Variants in ISCA2 observed in about 807,000 individuals in gnomAD.
The protein encoded by ISCA2 is iron-sulfur cluster assembly 2 homolog, mitochondrial.
Under a neutral mutation model 19.1 loss-of-function variants are expected in ISCA2, and 21 were observed. That is an observed-to-expected ratio of 1.10 (90% CI 0.78 to 1.59). The LOEUF (loss-of-function observed/expected upper bound fraction) is 1.59, where lower values mean the gene tolerates loss of function less well. Ranked by LOEUF, ISCA2 falls within the 40% of genes most tolerant of loss-of-function variation. The pLI, the probability that ISCA2 is intolerant of heterozygous loss-of-function variation, is 0.00. For synonymous variants in ISCA2, 107 were observed against 83.8 expected (o/e 1.28, Z -1.51); for missense variants, 181 against 191.7 (o/e 0.94, Z 0.33).
Position 74,494,388 on chromosome 14 carries a change from C to T in ISCA2, c.288C>T (p.Asp96=), listed in dbSNP as rs762305398. The T allele has an allele frequency of 6.2e-7, 1 of 1,611,574 alleles. No individual in the cohort carries two copies. Among genetic ancestry groups the T allele is most frequent in the African/African-American group, 1.3e-5 (1 of 75,002 alleles). ...FSLDTVINPD[D]RVFEQGGARV... is the part of the protein sequence containing the mutation. ...TGGATACAGTTATCAACCCCGACGA[C>T]AGGCAAGGAGGAAGGGGTGGGCCCC... is the stretch of plus-strand genomic sequence containing the variant. The change falls in exon 3 of 4, where the codon GAC becomes GAT. Residue 96 remains aspartate, a splice_region_variant and synonymous_variant. Transcript: ENST00000556816.
Position 74,494,860 on chromosome 14 carries a change from G to A in ISCA2, c.325G>A (p.Asp109Asn). 6.2e-7 allele frequency: 1 copy of A among 1,614,160 alleles called. No homozygotes were observed. The highest frequency in any genetic ancestry group is 8.5e-7 in the Non-Finnish European group (1 of 1,180,030). Residue 109 changes from aspartate to asparagine, a missense_variant, in exon 4 of 4, where the codon GAC (aspartate) becomes AAC (asparagine). Coordinates refer to ENST00000556816, the MANE Select transcript of ISCA2 (RefSeq NM_194279.4). ...FEQGGARVVV[D>N]SDSLAFVKGA... ...ACAGGGTGGGGCAAGAGTGGTGGTT[G>A]ACTCTGATAGCTTGGCCTTCGTGAA...
Position 74,495,188 on chromosome 14 carries a change from C to G in ISCA2, c.*188C>G. Reference sequence around the variant, plus strand: ...ATTTTACTCTTGGCTTAATTTTTCCCTCCACTCAGTGCTAAGGCTGAGCCT... The same window carrying G: ...ATTTTACTCTTGGCTTAATTTTTCCGTCCACTCAGTGCTAAGGCTGAGCCT... On this transcript the variant is annotated 3_prime_UTR_variant, in exon 4 of 4. Coordinates refer to ENST00000556816, the MANE Select transcript of ISCA2 (RefSeq NM_194279.4). 1 of 576,704 alleles carries G rather than the reference C, an allele frequency of 1.7e-6. No individual in the cohort carries two copies. Among genetic ancestry groups the G allele is most frequent in the South Asian group, 2.2e-5 (1 of 45,002 alleles). The allele number at this position is 576,704 out of a possible 1,614,324, so 35.7% of individuals were successfully genotyped here.
In ISCA2 at chr14:74,493,913, A is replaced by G; in HGVS notation, c.71+68A>G. The G allele has an allele frequency of 6.7e-7, 1 of 1,494,202 alleles. No individual in the cohort carries two copies. The highest frequency in any genetic ancestry group is 2.5e-5 in the East Asian group (1 of 40,712). The allele number at this position is 1,494,202 out of a possible 1,614,324, so 92.6% of individuals were successfully genotyped here. A position where few individuals can be genotyped will look rare whatever the true frequency, so the allele number is the denominator to read the frequency against. On this transcript the variant is annotated intron_variant, in intron 1 of 3. Transcript: ENST00000556816. The surrounding 1 kb of genome is among the most constrained non-coding windows in gnomAD (Gnocchi z 4.1). ...GCGCCTCTAGGACAAATGGGAAACT[A>G]AGGCCTGTGGGGGATGCGAGGGTTT... is the stretch of plus-strand genomic sequence containing the variant.
chr14:74,494,226 C>G, intron 2 of ISCA2, 49 bp from the exon 3 acceptor site: 1 of 1,596,276 alleles, frequency 6.3e-7, no homozygotes, highest in Non-Finnish European at 8.6e-7. Flanking sequence ...TCACTCAGCC[C>G]TTTAACTCCC....
chr14:74,494,861 A>G lies in ISCA2; in HGVS notation c.326A>G (p.Asp109Gly). The change falls in exon 4 of 4, where the codon GAC becomes GGC. Residue 109 changes from aspartate (D) to glycine (G), a missense_variant. Asp to Gly is a moderately conservative substitution (Grantham distance 94). Transcript: ENST00000556816. Reference protein sequence around the residue: ...FEQGGARVVVDSDSLAFVKGA... With the variant: ...FEQGGARVVVGSDSLAFVKGA... Reference sequence around the variant, plus strand: ...CAGGGTGGGGCAAGAGTGGTGGTTGACTCTGATAGCTTGGCCTTCGTGAAA... The same window carrying G: ...CAGGGTGGGGCAAGAGTGGTGGTTGGCTCTGATAGCTTGGCCTTCGTGAAA... 8.1e-6 allele frequency: 13 copies of G among 1,613,998 alleles called. No homozygotes were observed. Among genetic ancestry groups the G allele is most frequent in the Non-Finnish European group, 1.1e-5 (13 of 1,179,974 alleles).
chr14:74,494,796 C>T, intron 3 of ISCA2, 30 bp from the exon 4 acceptor site: 2 of 1,600,998 alleles, frequency 1.2e-6, no homozygotes, highest in East Asian at 2.2e-5. Context: ...GTTTGCGATA[C>T]TCCTTAATGC....
Position 74,494,392 on chromosome 14 carries a change from C to G in ISCA2, c.290+2C>G, listed in dbSNP as rs765916133. 1 of 1,608,248 alleles carries G rather than the reference C, an allele frequency of 6.2e-7. No individual in the cohort carries two copies. Among genetic ancestry groups the G allele is most frequent in the South Asian group, 1.1e-5 (1 of 90,982 alleles). ...TACAGTTATCAACCCCGACGACAGG[C>G]AAGGAGGAAGGGGTGGGCCCCCAAA... On this transcript the variant is annotated splice_donor_variant, in intron 3 of 3. Coordinates refer to ENST00000556816, the MANE Select transcript of ISCA2 (RefSeq NM_194279.4). LOFTEE classifies it high-confidence loss of function.
Position 74,494,066 on chromosome 14 carries a change from C to T in ISCA2, c.88C>T (p.Leu30=), listed in dbSNP as rs955792633. 3.2e-6 allele frequency: 5 copies of T among 1,546,766 alleles called. No individual in the cohort carries two copies. Among genetic ancestry groups the T allele is most frequent in the Non-Finnish European group, 3.5e-6 (4 of 1,149,362 alleles). The change falls in exon 2 of 4, where the codon CTG becomes TTG. Residue 30 remains leucine, a synonymous_variant. Coordinates refer to ENST00000556816, the MANE Select transcript of ISCA2 (RefSeq NM_194279.4). ...TGCGCGCAGGCTCCTCACGGCCTCCCTGGGACCCCAGGCGCGTCGGGAGGC... is the reference window on the plus strand; with the variant it reads ...TGCGCGCAGGCTCCTCACGGCCTCCTTGGGACCCCAGGCGCGTCGGGAGGC... ...WPRGRLLTAS[L]GPQARREASS... is the part of the protein sequence containing the mutation.
In ISCA2 at chr14:74,494,293, G is replaced by A. The variant is rs1242716128; in HGVS notation, c.193G>A (p.Glu65Lys). The A allele has an allele frequency of 6.2e-6, 10 of 1,613,930 alleles. No homozygotes were observed. The highest frequency in any genetic ancestry group is 7.6e-6 in the Non-Finnish European group (9 of 1,179,900). ...ATTTCAGAGGCTTTTGGAAATCACC[G>A]AAGGGTCAGAATTCCTCAGGCTGCA... ...SCVQRLLEITEGSEFLRLQVE... is the reference protein window; with the variant it reads ...SCVQRLLEITKGSEFLRLQVE... Residue 65 changes from glutamate to lysine, a missense_variant, in exon 3 of 4, where the codon GAA (glutamate) becomes AAA (lysine). Transcript: ENST00000556816.
chr14:74,495,891 G>A lies in ISCA2; in HGVS notation c.*891G>A, dbSNP rs1394102987. The A allele has an allele frequency of 5.3e-5, 8 of 152,186 alleles. No homozygotes were observed. The highest frequency in any genetic ancestry group is 3.4e-3 in the Middle Eastern group (1 of 294). 9.4% of individuals were successfully genotyped at this position (152,186 alleles called of 1,614,324 possible). A position where few individuals can be genotyped will look rare whatever the true frequency, so the allele number is the denominator to read the frequency against. On this transcript the variant is annotated 3_prime_UTR_variant, in exon 4 of 4. Coordinates refer to ENST00000556816, the MANE Select transcript of ISCA2 (RefSeq NM_194279.4). ...TGAATTTCAGGTAAATAATTTTTTA[G>A]TATGCATATGTCTCAAATATTGCAT...
rs1341733474 is a variant in ISCA2, at chr14:74,495,162, GA to G, written c.*163del. The G allele has an allele frequency of 1.5e-5, 9 of 609,700 alleles. No homozygotes were observed. Among genetic ancestry groups the G allele is most frequent in the Middle Eastern group, 4.3e-4 (1 of 2,302 alleles). The allele number at this position is 609,700 out of a possible 1,614,324, so 37.8% of individuals were successfully genotyped here. On this transcript the variant is annotated 3_prime_UTR_variant, in exon 4 of 4. Coordinates refer to ENST00000556816, the MANE Select transcript of ISCA2 (RefSeq NM_194279.4). ...GCCACTATTATTTTCAGAATGTGAAGATTTTACTCTTGGCTTAATTTTTCCC... is the reference window on the plus strand; with the variant it reads ...GCCACTATTATTTTCAGAATGTGAAGTTTTACTCTTGGCTTAATTTTTCCC...
chr14:74,494,610 AAGTC>A (rs2086825037), intron 3 of ISCA2: 2 of 617,980 alleles, frequency 3.2e-6, no homozygotes, highest in Non-Finnish European at 5.7e-6. Flanking sequence ...AGTCGGTAGA[AAGTC>A]AGGCCGGACT....
In ISCA2 at chr14:74,493,955, G is replaced by A. The variant is rs2086813081; in HGVS notation, c.72-95G>A. On this transcript the variant is annotated intron_variant, in intron 1 of 3. Transcript: ENST00000556816. This position sits in a 1 kb window ranked among gnomAD's most constrained non-coding sequence, Gnocchi z 4.1. ...CGAGGGTTTGGTGGGAGGCCGTCCAGGTGGGGGTCGCCAGGTTTAGCGTGA... is the reference window on the plus strand; with the variant it reads ...CGAGGGTTTGGTGGGAGGCCGTCCAAGTGGGGGTCGCCAGGTTTAGCGTGA... 6.8e-7 allele frequency: 1 copy of A among 1,467,112 alleles called. No individual in the cohort carries two copies. The highest frequency in any genetic ancestry group is 1.4e-5 in the African/African-American group (1 of 71,080). The allele number at this position is 1,467,112 out of a possible 1,614,324, so 90.9% of individuals were successfully genotyped here.
At position 74,496,199 on chromosome 14, in the gene ISCA2, G is replaced by A. The variant is rs2086844737; in HGVS notation, c.*1199G>A. The A allele has an allele frequency of 6.6e-6, 1 of 152,144 alleles. No individual in the cohort carries two copies. The highest frequency in any genetic ancestry group is 2.4e-5 in the African/African-American group (1 of 41,442). The allele number at this position is 152,144 out of a possible 1,614,324, so 9.4% of individuals were successfully genotyped here. A position where few individuals can be genotyped will look rare whatever the true frequency, so the allele number is the denominator to read the frequency against. On this transcript the variant is annotated 3_prime_UTR_variant, in exon 4 of 4. Coordinates refer to ENST00000556816, the MANE Select transcript of ISCA2 (RefSeq NM_194279.4). ...GAGAAACTACAACCAAGTTGATTCTGGAAGAGTTACTGGTTAAATCCATCT... is the reference window on the plus strand; with the variant it reads ...GAGAAACTACAACCAAGTTGATTCTAGAAGAGTTACTGGTTAAATCCATCT...
Position 74,494,920 on chromosome 14 carries a change from C to T in ISCA2, c.385C>T (p.Arg129Ter), listed in dbSNP as rs1362959396. ...AQVDFSQELIRSSFQVLNNPQ... is the reference protein window; with the variant it reads ...AQVDFSQELI ...GGTGGACTTCAGCCAAGAACTGATC[C>T]GAAGCTCATTTCAAGTGTTGAACAA... The change falls in exon 4 of 4, where the codon CGA becomes TGA. Residue 129 changes from arginine (R) to a stop codon, truncating the protein, a stop_gained. Coordinates refer to ENST00000556816, the MANE Select transcript of ISCA2 (RefSeq NM_194279.4). LOFTEE classifies it high-confidence loss of function. The T allele has an allele frequency of 2.5e-6, 4 of 1,613,950 alleles. No individual in the cohort carries two copies. Among genetic ancestry groups the T allele is most frequent in the Admixed American group, 3.3e-5 (2 of 60,026 alleles).
At position 74,496,454 on chromosome 14, in the gene ISCA2, A is replaced by C. The variant is rs1162102668; in HGVS notation, c.*1454A>C. 2.0e-5 allele frequency: 3 copies of C among 152,366 alleles called. No homozygotes were observed. The East Asian group carries it at 5.8e-4, about 29-fold the overall frequency. 9.4% of individuals were successfully genotyped at this position (152,366 alleles called of 1,614,324 possible). ...GAAGGGGACACTCAGAAACCTGAGC[A>C]CATTTCTTAGAGCTGGTGGAAGGAG... On this transcript the variant is annotated 3_prime_UTR_variant, in exon 4 of 4. Transcript: ENST00000556816.
Position 74,493,998 on chromosome 14 carries a change from G to T in ISCA2, c.72-52G>T, listed in dbSNP as rs1336119814. Reference sequence around the variant, plus strand: ...TAGCGTGAGGCGCTCCAGGTCGAGGGTTGCAAGGTGCCCCTTCTGCTCCCG... The same window carrying T: ...TAGCGTGAGGCGCTCCAGGTCGAGGTTTGCAAGGTGCCCCTTCTGCTCCCG... On this transcript the variant is annotated intron_variant, in intron 1 of 3. Coordinates refer to ENST00000556816, the MANE Select transcript of ISCA2 (RefSeq NM_194279.4). This position sits in a 1 kb window ranked among gnomAD's most constrained non-coding sequence, Gnocchi z 4.1. 3 of 1,503,356 alleles carry T rather than the reference G, an allele frequency of 2.0e-6. No individual in the cohort carries two copies. Among genetic ancestry groups the T allele is most frequent in the Non-Finnish European group, 2.7e-6 (3 of 1,113,172 alleles). The allele number at this position is 1,503,356 out of a possible 1,614,324, so 93.1% of individuals were successfully genotyped here.
Position 74,494,892 on chromosome 14 carries a change from C to A in ISCA2, c.357C>A (p.Ala119=), listed in dbSNP as rs184167807. 1.2e-6 allele frequency: 2 copies of A among 1,614,012 alleles called. No homozygotes were observed. The highest frequency in any genetic ancestry group is 2.7e-5 in the African/African-American group (2 of 74,998). The change falls in exon 4 of 4, where the codon GCC becomes GCA. Residue 119 remains alanine, a synonymous_variant. Coordinates refer to ENST00000556816, the MANE Select transcript of ISCA2 (RefSeq NM_194279.4). ...ATAGCTTGGCCTTCGTGAAAGGGGC[C>A]CAGGTGGACTTCAGCCAAGAACTGA... is the stretch of plus-strand genomic sequence containing the variant. ...DSDSLAFVKG[A]QVDFSQELIR...
At chr14:74,494,804 T>C in intron 3 of ISCA2, 22 bp from the exon 4 acceptor site, 1 of 1,611,694 alleles carries the variant, frequency 6.2e-7, no homozygotes, top group Non-Finnish European at 8.5e-7. Context: ...TACTCCTTAA[T>C]GCCTTCCTCC....
Sources: allele counts gnomAD v4.1 joint callset, GRCh38; gene constraint gnomAD v4.1.1; non-coding constraint Gnocchi (gnomAD v3.1); transcripts MANE v1.5; gene names NCBI Gene and HGNC (gene_info 2026-07-23, HGNC 2026-07-21).